Variants in ARHGAP45 observed in about 807,000 individuals in gnomAD.
ARHGAP45 encodes Rho GTPase activating protein 45.
ARHGAP45 carries 56 observed loss-of-function variants against 116.1 expected under a neutral mutation model. The observed-to-expected ratio is 0.48, with a 90% CI of 0.39 to 0.60. The LOEUF (loss-of-function observed/expected upper bound fraction) is 0.60, where lower values mean the gene tolerates loss of function less well. Ranked by LOEUF, ARHGAP45 falls within the 20% of genes least tolerant of loss-of-function variation. The pLI is 0.00. For synonymous variants in ARHGAP45, 866 were observed against 701.7 expected, an observed-to-expected ratio of 1.23 and a Z score of -3.70; for missense variants, 1,622 against 1,601.0, an observed-to-expected ratio of 1.01 and a Z score of -0.22.
Position 1,084,235 on chromosome 19 carries a change from C to G in ARHGAP45, c.2956-3C>G. ...CTCTATGACTTCCGTTCTGCACTTG[C>G]AGGACGAGTCATCCAACCAGCGAGC... On this transcript the variant is annotated splice_polypyrimidine_tract_variant and splice_region_variant and intron_variant, in intron 21 of 22. Transcript: ENST00000313093. The G allele has an allele frequency of 1.2e-6, 2 of 1,613,216 alleles. No individual in the cohort carries two copies. The highest frequency in any genetic ancestry group is 1.7e-6 in the Non-Finnish European group (2 of 1,179,612).
Position 1,080,373 on chromosome 19 carries a change from C to A in ARHGAP45, c.1822C>A (p.His608Asn), listed in dbSNP as rs2043396119. ...GCTEGTPAKD[H>N]RAGRGHQVHK... ...CACTGAGGGCACACCTGCCAAGGAC[C>A]ACAGGGGTGAGTGTCCGGCGGGGCC... is the stretch of plus-strand genomic sequence containing the variant. Residue 608 changes from histidine (H) to asparagine (N), a missense_variant, in exon 14 of 23, where the codon CAC becomes AAC. This residue lies in a region of ARHGAP45 where 1,334 missense variants were observed against 1,263.8 expected (regional missense o/e 1.06). Coordinates refer to ENST00000313093, the MANE Select transcript of ARHGAP45 (RefSeq NM_012292.5). The A allele has an allele frequency of 2.5e-6, 4 of 1,607,956 alleles. No homozygotes were observed. The African/African-American group carries it at 5.3e-5, about 21-fold the overall frequency.
At position 1,085,869 on chromosome 19, in the gene ARHGAP45, G is replaced by T. The variant is rs148933347; in HGVS notation, c.3274G>T (p.Gly1092Cys). Residue 1092 changes from glycine to cysteine, a missense_variant, in exon 23 of 23, where the codon GGC (glycine) becomes TGC (cysteine). Transcript: ENST00000313093. ...AREDGDGDED[G>C]PAQQLSGFNT... is the part of the protein sequence containing the mutation. ...GGAGGACGGGGACGGGGACGAGGACGGCCCGGCCCAGCAGCTCTCAGGATT... is the reference window on the plus strand; with the variant it reads ...GGAGGACGGGGACGGGGACGAGGACTGCCCGGCCCAGCAGCTCTCAGGATT... 6.2e-7 allele frequency: 1 copy of T among 1,612,946 alleles called. No individual in the cohort carries two copies. Among genetic ancestry groups the T allele is most frequent in the Admixed American group, 1.7e-5 (1 of 60,016 alleles).
chr19:1,071,225 G>C lies in ARHGAP45; in HGVS notation c.422-1924G>C. On this transcript the variant is annotated intron_variant, in intron 2 of 22. Coordinates refer to ENST00000313093, the MANE Select transcript of ARHGAP45 (RefSeq NM_012292.5). This position sits in a 1 kb window ranked among gnomAD's most constrained non-coding sequence, Gnocchi z 4.6. ...GGCCGGAGCCGGTTTGGCCACCGGA[G>C]ACCCCCATCGGTCAGCTGCCAGGCC... The C allele has an allele frequency of 6.9e-7, 1 of 1,450,232 alleles. No homozygotes were observed. The allele number at this position is 1,450,232 out of a possible 1,614,324, so 89.8% of individuals were successfully genotyped here.
intron 10 of ARHGAP45, among the ~76,000 whole-genome samples, 155 bp downstream of exon 10, chr19:1,075,034 C>CCG (rs1555706894): frequency 1.5e-5 from 2 of 137,154 alleles, no homozygotes; most frequent in East Asian, 2.0e-4. Context: ...GCCGCCCCCC[C>CCG]CAACGCCAAG....
At chr19:1,076,500 T>C (rs1392837215) in intron 10 of ARHGAP45, among the ~76,000 whole-genome samples, 1 of 137,044 alleles carries the variant, frequency 7.3e-6, no homozygotes, top group African/African-American at 2.8e-5. Context: ...TTTTTTTTTT[T>C]TTTTTTTTTT....
In ARHGAP45 at chr19:1,071,195, T is replaced by C; in HGVS notation, c.422-1954T>C. On this transcript the variant is annotated intron_variant, in intron 2 of 22. Coordinates refer to ENST00000313093, the MANE Select transcript of ARHGAP45 (RefSeq NM_012292.5). This position sits in a 1 kb window ranked among gnomAD's most constrained non-coding sequence, Gnocchi z 4.6. The stretch of plus-strand genomic sequence containing the variant: ...TTTCCCTCGCGGGGGCGGGGCCTCC[T>C]GACCGGCCGGAGCCGGTTTGGCCAC... 2.9e-6 allele frequency: 4 copies of C among 1,384,616 alleles called. No individual in the cohort carries two copies. Among genetic ancestry groups the C allele is most frequent in the South Asian group, 1.4e-5 (1 of 69,910 alleles). 85.8% of individuals were successfully genotyped at this position (1,384,616 alleles called of 1,614,324 possible). A position where few individuals can be genotyped will look rare whatever the true frequency, so the allele number is the denominator to read the frequency against.
rs539184404 is a variant in ARHGAP45, at chr19:1,084,209, C to T, written c.2956-29C>T. ...TAACATGGAAAATGGAGCCCCGGCC[C>T]CTCTATGACTTCCGTTCTGCACTTG... On this transcript the variant is annotated intron_variant, in intron 21 of 22. Transcript: ENST00000313093. 3.8e-6 allele frequency: 6 copies of T among 1,592,728 alleles called. No homozygotes were observed. The African/African-American group carries it at 6.7e-5, about 18-fold the overall frequency.
At position 1,083,099 on chromosome 19, in the gene ARHGAP45, G is replaced by T; in HGVS notation, c.2744+33G>T. The T allele has an allele frequency of 3.8e-6, 6 of 1,568,318 alleles. No homozygotes were observed. In the South Asian group the frequency reaches 6.9e-5, roughly 18 times the overall value. ...CCGGCATATGGAGTGGAGGGCGCGGGGTCCCGGGAGCCGCTCAGCACCTGG... is the reference window on the plus strand; with the variant it reads ...CCGGCATATGGAGTGGAGGGCGCGGTGTCCCGGGAGCCGCTCAGCACCTGG... On this transcript the variant is annotated intron_variant, in intron 20 of 22. Transcript: ENST00000313093.
chr19:1,085,539 C>CTGTCTCTCCCCATCTCTCT, intron 22 of ARHGAP45, 121 bp from the exon 23 acceptor site: 1 of 711,914 alleles, frequency 1.4e-6, no homozygotes, highest in Non-Finnish European at 2.3e-6. Flanking sequence ...CCCATCTCTC[C>CTGTCTCTCCCCATCTCTCT]TGTCTCTCCA....
Position 1,085,846 on chromosome 19 carries a change from AGGACGG to A in ARHGAP45, c.3263_3268del (p.Gly1088_Asp1089del), listed in dbSNP as rs201348186. On this transcript the variant is annotated inframe_deletion, in exon 23 of 23. Coordinates refer to ENST00000313093, the MANE Select transcript of ARHGAP45 (RefSeq NM_012292.5). ...GAGCAGCTGGAGGCCACAGCCCGGG[AGGACGG>A]GGACGGGGACGAGGACGGCCCGGCC... is the stretch of plus-strand genomic sequence containing the variant. The A allele has an allele frequency of 2.4e-4, 389 of 1,611,072 alleles. 1 individual carries two copies. The highest frequency in any genetic ancestry group is 1.3e-3 in the Admixed American group (76 of 59,902).
At chr19:1,083,792 G>T (rs569176632) in intron 21 of ARHGAP45, among the ~76,000 whole-genome samples, 1 of 152,342 alleles carries the variant, frequency 6.6e-6, no homozygotes, top group South Asian at 2.1e-4. Context: ...CCAGGCTGAA[G>T]TGCAATGGGG....
At chr19:1,072,391 C>T (rs984544601) in intron 2 of ARHGAP45, among the ~76,000 whole-genome samples, 4 of 152,142 alleles carry the variant, frequency 2.6e-5, no homozygotes, top group Admixed American at 6.6e-5. Context: ...CAATTGAGAA[C>T]GTTCGATGAG....
chr19:1,085,555 C>G, intron 22 of ARHGAP45, 105 bp from the exon 23 acceptor site: 1 of 774,098 alleles, frequency 1.3e-6, no homozygotes, highest in Non-Finnish European at 2.0e-6. Context: ...CTCCATCTCT[C>G]TCCCCCCTCT....
chr19:1,082,503 G>C (rs1481580539), intron 19 of ARHGAP45: 1 of 398,802 alleles, frequency 2.5e-6, no homozygotes, highest in Non-Finnish European at 4.5e-6. Flanking sequence ...GGGAAGGGCG[G>C]AGCTGGGCTG....
At chr19:1,070,335 T>C (rs1489396976) in intron 2 of ARHGAP45, among the ~76,000 whole-genome samples, 1,720 of 133,286 alleles carry the variant, frequency 0.013, 28 homozygotes, top group African/African-American at 0.048. Flanking sequence ...TTTTCTTTTT[T>C]TTTTTTTTTT....
At chr19:1,076,706 A>C (rs1235921036) in intron 10 of ARHGAP45, among the ~76,000 whole-genome samples, 2 of 151,942 alleles carry the variant, frequency 1.3e-5, no homozygotes, top group African/African-American at 4.8e-5. Flanking sequence ...CACCTTGGCC[A>C]GGCTGGTCTC....
chr19:1,073,037 C>A, intron 2 of ARHGAP45, 112 bp from the exon 3 acceptor site: 1 of 1,309,640 alleles, frequency 7.6e-7, no homozygotes. Context: ...CGTCTTCCAC[C>A]TCTGCCTCAG....
At position 1,067,390 on chromosome 19, in the gene ARHGAP45, C is replaced by T. The variant is rs987329726; in HGVS notation, c.-16C>T. 1.7e-5 allele frequency: 27 copies of T among 1,550,192 alleles called. No homozygotes were observed. The highest frequency in any genetic ancestry group is 1.7e-4 in the Middle Eastern group (1 of 5,718). ...CCCCCAGCCCGCCCCCTCGGGCTCCCGGCCGGGGCCCCATCATGTTCTCCA... is the reference window on the plus strand; with the variant it reads ...CCCCCAGCCCGCCCCCTCGGGCTCCTGGCCGGGGCCCCATCATGTTCTCCA... On this transcript the variant is annotated 5_prime_UTR_variant, in exon 1 of 23. Coordinates refer to ENST00000313093, the MANE Select transcript of ARHGAP45 (RefSeq NM_012292.5).
Position 1,073,760 on chromosome 19 carries a change from G to C in ARHGAP45, c.723+14G>C. 1 of 1,575,052 alleles carries C rather than the reference G, an allele frequency of 6.3e-7. No individual in the cohort carries two copies. The highest frequency in any genetic ancestry group is 1.2e-5 in the South Asian group (1 of 86,484). ...GACTCGAGCCAGGTGAGTGGGGTGG[G>C]CCAGGGCCACCTGTGTCCAGCTTCT... On this transcript the variant is annotated intron_variant, in intron 5 of 22. Transcript: ENST00000313093.
Sources: allele counts gnomAD v4.1 joint callset (sites outside exome capture counted in the v4.1 genomes callset), GRCh38; gene constraint gnomAD v4.1.1; regional missense constraint gnomAD v4.1.1; non-coding constraint Gnocchi (gnomAD v3.1); transcripts MANE v1.5; gene names NCBI Gene and HGNC (gene_info 2026-07-23, HGNC 2026-07-21).